RNF168: variants seen among roughly 807,000 people sequenced by gnomAD.
RNF168 encodes E3 ubiquitin-protein ligase RNF168.
RNF168 carries 34 observed loss-of-function variants against 34.9 expected under a neutral mutation model. The ratio of observed to expected loss-of-function variants is 0.97; its 90% CI spans 0.74 to 1.30. RNF168 has a LOEUF of 1.30. Ranked by LOEUF, RNF168 falls within the 50% of genes most tolerant of loss-of-function variation. The pLI, the probability that RNF168 is intolerant of heterozygous loss-of-function variation, is 0.00. For synonymous variants in RNF168, 264 were observed against 254.7 expected (o/e 1.04, Z -0.35); for missense variants, 725 against 682.5 (o/e 1.06, Z -0.69).
rs1182333287 is a variant in RNF168 at position 196,502,601 on chromosome 3, AG to A, written c.301+271del. 1.4e-4 allele frequency among the ~76,000 whole-genome samples: 20 copies of A among 146,018 alleles called. No individual in the cohort carries two copies. The South Asian group carries it at 2.1e-3, about 16-fold the overall frequency. ...AGATCCTGTCTCAAAAAAAAAAAAA[AG>A]AAGGCTCCAGACGGGCAATTCTTTA... On this transcript the variant is annotated intron_variant, in intron 1 of 5. Transcript: ENST00000318037.
At chr3:196,476,530 C>T (rs777217847) in intron 4 of RNF168, among the ~76,000 whole-genome samples, 14 of 151,898 alleles carry the variant, frequency 9.2e-5, no homozygotes, top group African/African-American at 3.4e-4. Context: ...ATTCTCCTGC[C>T]TCAGCCTCCT....
chr3:196,494,152 T>A (rs1265166951), intron 1 of RNF168, among the ~76,000 whole-genome samples: 1 of 152,206 alleles, frequency 6.6e-6, no homozygotes, highest in African/African-American at 2.4e-5. Flanking sequence ...CTGGCCTGTT[T>A]GCTATTTCTT....
At chr3:196,482,858 ATT>A (rs1009352394) in intron 4 of RNF168, among the ~76,000 whole-genome samples, 1 of 152,146 alleles carries the variant, frequency 6.6e-6, no homozygotes, top group African/African-American at 2.4e-5. Context: ...TGTTTTTAAT[ATT>A]GTTACAACTT....
Position 196,487,626 on chromosome 3 carries a change from T to A in RNF168, c.379-48A>T, listed in dbSNP as rs1353048871. 4 of 1,519,714 alleles carry A rather than the reference T, an allele frequency of 2.6e-6. No individual in the cohort carries two copies. The East Asian group carries it at 6.7e-5, about 26-fold the overall frequency. The allele number at this position is 1,519,714 out of a possible 1,614,324, so 94.1% of individuals were successfully genotyped here. A position where few individuals can be genotyped will look rare whatever the true frequency, so the allele number is the denominator to read the frequency against. On this transcript the variant is annotated intron_variant, in intron 2 of 5. Coordinates refer to ENST00000318037, the MANE Select transcript of RNF168 (RefSeq NM_152617.4). ...CAATCCTTCTCTGAACGTTTTGGTA[T>A]ACTTGCAATATTTCATAACAAGAAT...
At chr3:196,479,770 T>G (rs1243113959) in intron 4 of RNF168, among the ~76,000 whole-genome samples, 2 of 152,012 alleles carry the variant, frequency 1.3e-5, no homozygotes, top group Non-Finnish European at 2.9e-5. Flanking sequence ...TTTTGTATTT[T>G]TAGTAGAAAC....
chr3:196,479,935 C>A (rs1173127381), intron 4 of RNF168, among the ~76,000 whole-genome samples: 2 of 152,108 alleles, frequency 1.3e-5, no homozygotes, highest in Non-Finnish European at 2.9e-5. Flanking sequence ...CTTTCCAAGT[C>A]TGCCTCATGA....
At chr3:196,479,284 A>C (rs942795724) in intron 4 of RNF168, among the ~76,000 whole-genome samples, 1 of 151,612 alleles carries the variant, frequency 6.6e-6, no homozygotes. Context: ...AAGTGCTGGG[A>C]TTACAGGTGT....
intron 3 of RNF168, among the ~76,000 whole-genome samples, chr3:196,486,707 CG>C (rs1373027116): frequency 3.3e-5 from 5 of 152,146 alleles, no homozygotes; most frequent in Admixed American, 3.3e-4. Context: ...GGAAAAGGAA[CG>C]GGAGTGGAGA....
intron 4 of RNF168, among the ~76,000 whole-genome samples, chr3:196,481,785 C>T (rs891839923): frequency 2.2e-5 from 3 of 137,206 alleles, no homozygotes; most frequent in African/African-American, 8.1e-5. Context: ...TCCCAAGTGG[C>T]TGGGGTTACA....
intron 4 of RNF168, among the ~76,000 whole-genome samples, chr3:196,479,062 G>A (rs1261619492): frequency 1.3e-5 from 2 of 149,172 alleles, no homozygotes; most frequent in Non-Finnish European, 3.0e-5. Context: ...CCAGGTTGGA[G>A]TGCAGTGGTG....
intron 1 of RNF168, among the ~76,000 whole-genome samples, chr3:196,501,884 C>T (rs1200027306): frequency 6.6e-6 from 1 of 152,028 alleles, no homozygotes; most frequent in African/African-American, 2.4e-5. Context: ...AGCCATCGCT[C>T]CCGGCCAACC....
In RNF168 at chr3:196,473,563, T is replaced by C. The variant is rs891164925; in HGVS notation, c.763-791A>G. ...TAAGTATAAATGATATTTAAAGATA[T>C]CTGTAACATGGCTGGGCACGGTGGC... On this transcript the variant is annotated intron_variant, in intron 5 of 5. Coordinates refer to ENST00000318037, the MANE Select transcript of RNF168 (RefSeq NM_152617.4). Among the ~76,000 whole-genome samples the C allele has an allele frequency of 2.6e-5, 4 of 152,130 alleles. No individual in the cohort carries two copies. In the South Asian group the frequency reaches 6.2e-4, roughly 24 times the overall value.
intron 1 of RNF168, among the ~76,000 whole-genome samples, chr3:196,500,785 C>T (rs922958055): frequency 6.6e-6 from 1 of 151,900 alleles, no homozygotes; most frequent in Non-Finnish European, 1.5e-5. Flanking sequence ...GATCTCGGCT[C>T]ACTGCAAGCT....
At chr3:196,476,203 G>A (rs1455404167) in intron 4 of RNF168, among the ~76,000 whole-genome samples, 5 of 152,000 alleles carry the variant, frequency 3.3e-5, no homozygotes, top group Non-Finnish European at 7.4e-5. Flanking sequence ...AAAGCAGATA[G>A]CATCAAAACA....
Position 196,502,971 on chromosome 3 carries a change from C to T in RNF168, c.203G>A (p.Arg68Lys). 6.2e-7 allele frequency: 1 copy of T among 1,614,108 alleles called. No homozygotes were observed. The change falls in exon 1 of 6, where the codon AGA becomes AAA. Residue 68 changes from arginine to lysine, a missense_variant. By Grantham distance (26) the Arg-to-Lys change is conservative (BLOSUM62 2). Coordinates refer to ENST00000318037, the MANE Select transcript of RNF168 (RefSeq NM_152617.4). The part of the protein sequence containing the change: ...VSSWTRYHTR[R>K]NSLVNVELWT... Reference sequence around the variant, plus strand: ...CAGTTCCACGTTGACGAGAGAATTTCTTCGGGTATGGTACCGAGTCCACGA... The same window carrying T: ...CAGTTCCACGTTGACGAGAGAATTTTTTCGGGTATGGTACCGAGTCCACGA...
At chr3:196,494,460 T>C (rs139415051) in intron 1 of RNF168, among the ~76,000 whole-genome samples, 58 of 152,324 alleles carry the variant, frequency 3.8e-4, no homozygotes, top group African/African-American at 1.3e-3. Context: ...TGTATAATAC[T>C]GGATGAAAAA....
chr3:196,487,324 T>C, intron 3 of RNF168, 75 bp downstream of exon 3: 1 of 1,220,048 alleles, frequency 8.2e-7, no homozygotes, highest in Non-Finnish European at 1.2e-6. Context: ...AGGAGCTGAC[T>C]CTTCCCATGA....
chr3:196,479,871 C>G (rs1008363658), intron 4 of RNF168, among the ~76,000 whole-genome samples: 1 of 152,152 alleles, frequency 6.6e-6, no homozygotes. Context: ...GGATTACACG[C>G]ATAAGCTACT....
intron 1 of RNF168, among the ~76,000 whole-genome samples, chr3:196,501,602 T>C (rs1732887555): frequency 6.6e-6 from 1 of 152,172 alleles, no homozygotes; most frequent in Non-Finnish European, 1.5e-5. Flanking sequence ...GGTTAGAGTT[T>C]ATCTGGGGTG....
Sources: gnomAD v4.1 joint callset for allele counts (sites outside exome capture counted in the v4.1 genomes callset) on GRCh38, gnomAD v4.1.1 for gene constraint, MANE v1.5 for transcripts, NCBI Gene and HGNC (gene_info 2026-07-23, HGNC 2026-07-21) for gene names.